AFF3: variants seen among roughly 807,000 people sequenced by gnomAD.
AFF3 encodes the protein ALF transcription elongation factor 3.
AFF3 carries 32 observed loss-of-function variants against 129.7 expected under a neutral mutation model. The observed-to-expected ratio is 0.25, with a 90% CI of 0.19 to 0.33. The LOEUF (loss-of-function observed/expected upper bound fraction) is 0.33. Among genes scored for constraint, AFF3 ranks in the 10% least tolerant of loss-of-function variants. The pLI is 1.00. For synonymous variants in AFF3, 644 were observed against 635.4 expected, an observed-to-expected ratio of 1.01 and a Z score of -0.20; for missense variants, 1,373 against 1,592.0, an observed-to-expected ratio of 0.86 and a Z score of 2.34.
At chr2:100,085,569 G>GTCCCTACCCCAGGCACTCTGGA (rs1689355272) in intron 4 of AFF3, among the ~76,000 whole-genome samples, 1 of 146,938 alleles carries the variant, frequency 6.8e-6, no homozygotes, top group Non-Finnish European at 1.5e-5. Flanking sequence ...AAATACCTGG[G>GTCCCTACCCCAGGCACTCTGGA]TCCCTACCCC....
chr2:99,959,751 T>G (rs888102932), intron 7 of AFF3, among the ~76,000 whole-genome samples: 5 of 149,846 alleles, frequency 3.3e-5, no homozygotes, highest in African/African-American at 1.2e-4. Flanking sequence ...CCTCCAAAAA[T>G]CAGTCATGTG....
At chr2:99,859,150 A>G (rs1690777654) in intron 7 of AFF3, among the ~76,000 whole-genome samples, 2 of 152,198 alleles carry the variant, frequency 1.3e-5, no homozygotes, top group Non-Finnish European at 2.9e-5. Context: ...ACTTGCCCAC[A>G]TCAAAGCTAA....
At chr2:99,667,865 T>C (rs1172832794) in intron 12 of AFF3, among the ~76,000 whole-genome samples, 4 of 149,600 alleles carry the variant, frequency 2.7e-5, no homozygotes, top group Non-Finnish European at 6.0e-5. Flanking sequence ...ACTATTAATA[T>C]TTTTTTTTTG....
At chr2:100,033,717 T>C (rs1348465307) in intron 4 of AFF3, among the ~76,000 whole-genome samples, 1 of 152,178 alleles carries the variant, frequency 6.6e-6, no homozygotes, top group Non-Finnish European at 1.5e-5. Context: ...GCTGTTTTTA[T>C]TGGACAATAA....
chr2:99,945,897 G>A (rs1027285005), intron 7 of AFF3, among the ~76,000 whole-genome samples: 2 of 152,214 alleles, frequency 1.3e-5, no homozygotes, highest in Admixed American at 6.5e-5. Flanking sequence ...ATGTGACAGA[G>A]AGATCCAGCA....
chr2:99,891,096 G>A (rs755216184), intron 7 of AFF3, among the ~76,000 whole-genome samples: 22 of 152,168 alleles, frequency 1.4e-4, no homozygotes, highest in Non-Finnish European at 2.9e-4. Flanking sequence ...GAGAAAAGTG[G>A]GCAAGAGCCT....
intron 6 of AFF3, 41 bp downstream of exon 6, chr2:100,007,105 TTA>T: frequency 6.2e-7 from 1 of 1,601,146 alleles, no homozygotes; most frequent in Non-Finnish European, 8.5e-7. Flanking sequence ...TCTCTGGGTT[TTA>T]GCAGATTTGT....
chr2:99,664,385 G>T (rs1023191731), intron 12 of AFF3, among the ~76,000 whole-genome samples: 1 of 152,220 alleles, frequency 6.6e-6, no homozygotes, highest in African/African-American at 2.4e-5. Flanking sequence ...TCTTGAAAGG[G>T]AAGGCTGTGG....
chr2:99,603,383 G>A (rs142999913), intron 13 of AFF3, among the ~76,000 whole-genome samples: 1,865 of 152,282 alleles, frequency 0.012, 52 homozygotes, highest in African/African-American at 0.043. Context: ...AATGGGGAAA[G>A]GATTCCCTAT....
chr2:100,105,722 C>G, intron 2 of AFF3, 139 bp from the exon 3 acceptor site: 1 of 1,362,194 alleles, frequency 7.3e-7, no homozygotes, highest in Non-Finnish European at 9.8e-7. Context: ...CCTACCTCTG[C>G]TTCTCCACAG....
chr2:99,773,137 C>T (rs1446603257), intron 8 of AFF3, among the ~76,000 whole-genome samples: 1 of 152,206 alleles, frequency 6.6e-6, no homozygotes, highest in East Asian at 1.9e-4. Context: ...CAGGAAACAC[C>T]TGCTCACTGC....
At chr2:99,931,916 C>T (rs1000622732) in intron 7 of AFF3, among the ~76,000 whole-genome samples, 50 of 152,156 alleles carry the variant, frequency 3.3e-4, no homozygotes, top group South Asian at 2.1e-4. Context: ...CTCAACAAAA[C>T]CCCAAAACCC....
chr2:99,859,555 G>A (rs996215359), intron 7 of AFF3, among the ~76,000 whole-genome samples: 4 of 152,128 alleles, frequency 2.6e-5, no homozygotes, highest in African/African-American at 9.7e-5. Context: ...AATCCTAGAG[G>A]ATTTCGATGA....
At chr2:100,023,276 T>C (rs369815946) in intron 4 of AFF3, among the ~76,000 whole-genome samples, 1 of 152,162 alleles carries the variant, frequency 6.6e-6, no homozygotes, top group African/African-American at 2.4e-5. Context: ...CATACTATAA[T>C]ACATAAAGCT....
intron 8 of AFF3, among the ~76,000 whole-genome samples, chr2:99,755,706 G>C (rs914292796): frequency 6.6e-5 from 10 of 152,128 alleles, no homozygotes; most frequent in Non-Finnish European, 4.4e-5. Flanking sequence ...CTTTAACTCT[G>C]ATCTTTGGAC....
chr2:99,760,136 T>C (rs191468944), intron 8 of AFF3, among the ~76,000 whole-genome samples: 54 of 152,362 alleles, frequency 3.5e-4, no homozygotes, highest in African/African-American at 1.1e-3. Flanking sequence ...TTCTGAATTG[T>C]CTCTAAAATG....
intron 7 of AFF3, among the ~76,000 whole-genome samples, chr2:99,859,579 T>C (rs1690815861): frequency 6.6e-6 from 1 of 152,254 alleles, no homozygotes; most frequent in Non-Finnish European, 1.5e-5. Flanking sequence ...TCCACCATCA[T>C]CTAGAAATGC....
At chr2:100,016,732 T>C (rs1418529788) in intron 4 of AFF3, among the ~76,000 whole-genome samples, 1 of 149,952 alleles carries the variant, frequency 6.7e-6, no homozygotes, top group Non-Finnish European at 1.5e-5. Context: ...GCGATGGTGA[T>C]AGTATTGGTG....
At chr2:99,616,576 A>G (rs1681454865) in intron 13 of AFF3, among the ~76,000 whole-genome samples, 1 of 152,084 alleles carries the variant, frequency 6.6e-6, no homozygotes, top group East Asian at 1.9e-4. Flanking sequence ...CAATATGGTG[A>G]AACCCTGTCT....
Sources: allele counts gnomAD v4.1 joint callset (sites outside exome capture counted in the v4.1 genomes callset), GRCh38; gene constraint gnomAD v4.1.1; transcripts MANE v1.5; gene names NCBI Gene and HGNC (gene_info 2026-07-23, HGNC 2026-07-21).